DLG2: variants seen among roughly 807,000 people sequenced by gnomAD.
The protein encoded by DLG2 is discs large MAGUK scaffold protein 2.
Under a neutral mutation model 132.5 loss-of-function variants are expected in DLG2, and 45 were observed. That is an observed-to-expected ratio of 0.34 (90% CI 0.27 to 0.44). DLG2 has a LOEUF of 0.44. DLG2 is among the 20% of genes least tolerant of loss of function. The pLI, the probability that DLG2 is intolerant of heterozygous loss-of-function variation, is 1.00. For missense variants in DLG2, 1,045 were observed against 1,196.9 expected (o/e 0.87, Z 1.87); for synonymous variants, 424 against 419.6 (o/e 1.01, Z -0.13).
intron 8 of DLG2, among the ~76,000 whole-genome samples, chr11:84,174,041 G>A (rs1177307740): frequency 2.7e-4 from 2 of 7,468 alleles, no homozygotes; most frequent in Admixed American, 1.7e-3. Context: ...TTTTTTCTGA[G>A]TAAACACTTA....
chr11:83,643,070 G>A (rs1204433674), intron 18 of DLG2, among the ~76,000 whole-genome samples: 1 of 152,198 alleles, frequency 6.6e-6, no homozygotes, highest in African/African-American at 2.4e-5. Flanking sequence ...AGACTGCTGT[G>A]AAGATCAAAT....
intron 6 of DLG2, among the ~76,000 whole-genome samples, chr11:84,735,604 A>C (rs753710039): frequency 2.5e-4 from 38 of 151,950 alleles, no homozygotes; most frequent in Non-Finnish European, 2.9e-5. Context: ...GATTCATTGA[A>C]TTTTTGAAGG....
intron 18 of DLG2, among the ~76,000 whole-genome samples, chr11:83,777,823 C>T (rs1270210994): frequency 6.6e-6 from 1 of 152,128 alleles, no homozygotes; most frequent in Non-Finnish European, 1.5e-5. Flanking sequence ...AAATTACCTT[C>T]TTGTAATAAT....
Position 85,220,637 on chromosome 11 carries a change from A to AAATATATAT in DLG2, c.186+64582_186+64583insATATATATT, listed in dbSNP as rs371263007. Among the ~76,000 whole-genome samples the AAATATATAT allele has an allele frequency of 5.5e-4, 82 of 148,312 alleles. No homozygotes were observed. In the East Asian group the frequency reaches 6.7e-3, roughly 12 times the overall value. ...GTTTATTATATCAAATAGAAAAAAA[A>AAATATATAT]ATATATATATATATATAACTTTATT... On this transcript the variant is annotated intron_variant, in intron 4 of 27. Coordinates refer to ENST00000376104, the MANE Select transcript of DLG2 (RefSeq NM_001142699.3).
chr11:84,636,740 G>GA (rs1389851048), intron 6 of DLG2, among the ~76,000 whole-genome samples: 2 of 150,812 alleles, frequency 1.3e-5, no homozygotes, highest in African/African-American at 4.9e-5. Context: ...GGTACTTGGA[G>GA]AAAAAAGTTA....
At chr11:85,213,781 C>A (rs1444365293) in intron 4 of DLG2, among the ~76,000 whole-genome samples, 1 of 151,908 alleles carries the variant, frequency 6.6e-6, no homozygotes, top group Non-Finnish European at 1.5e-5. Context: ...TTTGGAATGC[C>A]CTTGGTGGAC....
intron 7 of DLG2, among the ~76,000 whole-genome samples, chr11:84,508,560 G>T (rs2099248762): frequency 6.6e-6 from 1 of 151,718 alleles, no homozygotes; most frequent in African/African-American, 2.4e-5. Flanking sequence ...CCCCCACCAT[G>T]CCTGGCTAAT....
At chr11:85,029,433 A>G (rs1461345370) in intron 6 of DLG2, among the ~76,000 whole-genome samples, 3 of 152,228 alleles carry the variant, frequency 2.0e-5, no homozygotes, top group African/African-American at 7.2e-5. Context: ...CCAACCCCTA[A>G]GGTGTTATCT....
chr11:84,724,898 A>G (rs796223420), intron 6 of DLG2, among the ~76,000 whole-genome samples: 69 of 152,296 alleles, frequency 4.5e-4, no homozygotes, highest in African/African-American at 1.6e-3. Context: ...AGTAGCCACT[A>G]TCTAATGTTC....
intron 8 of DLG2, among the ~76,000 whole-genome samples, chr11:84,179,336 A>C (rs1245137625): frequency 4.6e-5 from 7 of 152,346 alleles, no homozygotes; most frequent in Admixed American, 1.3e-4. Flanking sequence ...TAGATCCATC[A>C]GAGAAGTTAA....
chr11:83,724,474 TGTGAGAGAGAGAGAGA>T (rs1248326994), intron 18 of DLG2, among the ~76,000 whole-genome samples: 15 of 103,518 alleles, frequency 1.4e-4, no homozygotes, highest in Non-Finnish European at 2.6e-4. Context: ...TGTGTGTGTG[TGTGAGAGAGAGAGAGA>T]GAGAGAGAGA....
intron 6 of DLG2, among the ~76,000 whole-genome samples, chr11:84,589,138 G>A (rs2099536861): frequency 6.6e-6 from 1 of 152,184 alleles, no homozygotes; most frequent in Admixed American, 6.5e-5. Flanking sequence ...AGGGTTGAAG[G>A]TAAAGAAGAA....
chr11:85,365,365 A>C (rs1354104855), intron 3 of DLG2, among the ~76,000 whole-genome samples: 1 of 152,204 alleles, frequency 6.6e-6, no homozygotes, highest in East Asian at 1.9e-4. Context: ...TGATTCATTA[A>C]CTTGCACACG....
intron 9 of DLG2, among the ~76,000 whole-genome samples, chr11:84,156,625 A>T (rs1358906507): frequency 6.6e-6 from 1 of 152,236 alleles, no homozygotes; most frequent in Non-Finnish European, 1.5e-5. Flanking sequence ...AAATAATTTA[A>T]AAATCTGAAC....
In DLG2 at chr11:84,245,472, T is replaced by C. The variant is rs115187087; in HGVS notation, c.573+5766A>G. On this transcript the variant is annotated intron_variant, in intron 8 of 27. Coordinates refer to ENST00000376104, the MANE Select transcript of DLG2 (RefSeq NM_001142699.3). ...TTCTTCATAACCTAACTCTTATTTG[T>C]GTTCTCTTTTTCTTCTACTTTTCTC... Among the ~76,000 whole-genome samples the C allele has an allele frequency of 5.6e-4, 85 of 152,314 alleles. 1 individual carries two copies. Among genetic ancestry groups the C allele is most frequent in the African/African-American group, 1.8e-3 (76 of 41,572 alleles).
chr11:84,339,796 C>A (rs908366360), intron 7 of DLG2, among the ~76,000 whole-genome samples: 1 of 152,306 alleles, frequency 6.6e-6, no homozygotes, highest in Admixed American at 6.5e-5. Context: ...ATTGTTGCTA[C>A]ATGTACTTCT....
chr11:84,270,442 T>C (rs2097705739), intron 7 of DLG2, among the ~76,000 whole-genome samples: 1 of 152,196 alleles, frequency 6.6e-6, no homozygotes, highest in African/African-American at 2.4e-5. Flanking sequence ...CATAGTTTGG[T>C]TTCCTTCTTC....
intron 15 of DLG2, among the ~76,000 whole-genome samples, chr11:83,923,243 A>G (rs1435263559): frequency 6.6e-6 from 1 of 152,190 alleles, no homozygotes; most frequent in Non-Finnish European, 1.5e-5. Flanking sequence ...GGAACAATTA[A>G]TAATGACTAA....
intron 6 of DLG2, among the ~76,000 whole-genome samples, chr11:84,590,687 A>G (rs1286184952): frequency 1.3e-5 from 2 of 152,176 alleles, no homozygotes. Flanking sequence ...CCTTACCTTC[A>G]TATTGCTGTT....
Sources: gnomAD v4.1 joint callset for allele counts (sites outside exome capture counted in the v4.1 genomes callset) on GRCh38, gnomAD v4.1.1 for gene constraint, MANE v1.5 for transcripts, NCBI Gene and HGNC (gene_info 2026-07-23, HGNC 2026-07-21) for gene names.